Variants in CD74 observed in about 807,000 individuals in gnomAD.
CD74 encodes the protein CD74 molecule, also known as HLA class II histocompatibility antigen gamma chain.
In CD74, 20 loss-of-function variants were observed where a neutral mutation model predicts 37.1. That is an observed-to-expected ratio of 0.54 (90% CI 0.38 to 0.78). CD74 has a LOEUF of 0.78. CD74 is among the 30% of genes least tolerant of loss of function. The pLI, the probability that CD74 is intolerant of heterozygous loss-of-function variation, is 0.00. For synonymous variants in CD74, 150 were observed against 152.0 expected (o/e 0.99, Z 0.10); for missense variants, 338 against 389.5 (o/e 0.87, Z 1.11).
intron 1 of CD74, among the ~76,000 whole-genome samples, chr5:150,412,185 G>A (rs545295415): frequency 2.2e-4 from 33 of 152,272 alleles, no homozygotes; most frequent in African/African-American, 7.0e-4. Flanking sequence ...GGCTGGTCTC[G>A]AACTCCTGGC....
Position 150,406,253 on chromosome 5 carries a change from A to T in CD74, c.441+6T>A, listed in dbSNP as rs771806250. 1.9e-6 allele frequency: 3 copies of T among 1,612,710 alleles called. No individual in the cohort carries two copies. Among genetic ancestry groups the T allele is most frequent in the African/African-American group, 2.7e-5 (2 of 74,876 alleles). On this transcript the variant is annotated splice_donor_region_variant and intron_variant, in intron 4 of 8. Coordinates refer to ENST00000009530, the MANE Select transcript of CD74 (RefSeq NM_001025159.3). ...CAGGACCACCCAGCTAGCTCCCTGC[A>T]CTCACCTGGAGCAGGTGCATCACAT...
intron 1 of CD74, among the ~76,000 whole-genome samples, chr5:150,408,149 G>A (rs1770101692): frequency 6.6e-6 from 1 of 152,084 alleles, no homozygotes; most frequent in South Asian, 2.1e-4. Flanking sequence ...AAGGGGAAGA[G>A]GGTTTTCACC....
At position 150,402,532 on chromosome 5, in the gene CD74, G is replaced by A. The variant is rs2151167073; in HGVS notation, c.880+31C>T. ...TGGCCCTGCTGGGGATGAGCTGCTGGTGACCAGATGCCCCTCTGCAAGGCC... is the reference window on the plus strand; with the variant it reads ...TGGCCCTGCTGGGGATGAGCTGCTGATGACCAGATGCCCCTCTGCAAGGCC... On this transcript the variant is annotated intron_variant, in intron 8 of 8. Coordinates refer to ENST00000009530, the MANE Select transcript of CD74 (RefSeq NM_001025159.3). The surrounding 1 kb of genome is among the most constrained non-coding windows in gnomAD (Gnocchi z 4.2). 1 of 1,599,056 alleles carries A rather than the reference G, an allele frequency of 6.3e-7. No individual in the cohort carries two copies. Among genetic ancestry groups the A allele is most frequent in the Non-Finnish European group, 8.6e-7 (1 of 1,166,234 alleles).
At chr5:150,405,759 C>G (rs759815563) in intron 4 of CD74, 7 of 156,028 alleles carry the variant, frequency 4.5e-5, no homozygotes, top group Non-Finnish European at 8.5e-5. Flanking sequence ...GCCTCAGTTT[C>G]TTTTTTTATT....
At chr5:150,404,831 T>G in intron 5 of CD74, 64 bp from the exon 6 acceptor site, 2 of 1,186,358 alleles carry the variant, frequency 1.7e-6, no homozygotes, top group East Asian at 5.1e-5. Context: ...ACTGCCTGGC[T>G]TTGCCCCTGG....
At chr5:150,409,900 G>A (rs1429016978) in intron 1 of CD74, among the ~76,000 whole-genome samples, 1 of 152,074 alleles carries the variant, frequency 6.6e-6, no homozygotes, top group Non-Finnish European at 1.5e-5. Flanking sequence ...CCAGCAACCA[G>A]CAAGGATGGT....
chr5:150,405,287 A>G (rs1183119805), intron 4 of CD74, 107 bp from the exon 5 acceptor site: 3 of 1,463,598 alleles, frequency 2.0e-6, no homozygotes, highest in Non-Finnish European at 2.7e-6. Flanking sequence ...GGAATGGACC[A>G]GAGCTACACC....
At chr5:150,411,160 A>C (rs1007781997) in intron 1 of CD74, among the ~76,000 whole-genome samples, 1 of 152,210 alleles carries the variant, frequency 6.6e-6, no homozygotes. Context: ...TAAGAATTAA[A>C]ATTGAGTTTA....
chr5:150,406,966 G>A lies in CD74; in HGVS notation c.299-6C>T. ...CTTGCTCACAGGCTTGGGAGCTGTG[G>A]GGACAGGAACGAGGGTAAGTGTGGC... On this transcript the variant is annotated splice_region_variant and splice_polypyrimidine_tract_variant and intron_variant, in intron 2 of 8. Transcript: ENST00000009530. The A allele has an allele frequency of 1.3e-6, 2 of 1,573,324 alleles. No homozygotes were observed. The highest frequency in any genetic ancestry group is 1.7e-6 in the Non-Finnish European group (2 of 1,166,192).
chr5:150,401,715 C>A lies in CD74; in HGVS notation c.*525G>T. On this transcript the variant is annotated 3_prime_UTR_variant, in exon 9 of 9. Coordinates refer to ENST00000009530, the MANE Select transcript of CD74 (RefSeq NM_001025159.3). ...AACAAGCTTGGCTGAGCAGAGGGAA[C>A]TAGGGGTCGGCAGAAAGGATTATGG... 1.7e-6 allele frequency: 1 copy of A among 576,084 alleles called. No homozygotes were observed. Among genetic ancestry groups the A allele is most frequent in the Non-Finnish European group, 3.1e-6 (1 of 323,138 alleles). 35.7% of individuals were successfully genotyped at this position (576,084 alleles called of 1,614,324 possible). A position where few individuals can be genotyped will look rare whatever the true frequency, so the allele number is the denominator to read the frequency against.
chr5:150,403,512 C>T lies in CD74; in HGVS notation c.626-200G>A, dbSNP rs1769767089. ...TGAGATCAAAAAGGAAGTGAATGGC[C>T]ATGTGTCCAATTCACCTCAGAAGTT... On this transcript the variant is annotated intron_variant, in intron 6 of 8. Coordinates refer to ENST00000009530, the MANE Select transcript of CD74 (RefSeq NM_001025159.3). This position sits in a 1 kb window ranked among gnomAD's most constrained non-coding sequence, Gnocchi z 4.5. 6.6e-6 allele frequency among the ~76,000 whole-genome samples: 1 copy of T among 152,206 alleles called. No homozygotes were observed. Among genetic ancestry groups the T allele is most frequent in the Non-Finnish European group, 1.5e-5 (1 of 68,038 alleles).
chr5:150,404,394 C>T (rs1769821029), intron 6 of CD74: 3 of 417,464 alleles, frequency 7.2e-6, no homozygotes, highest in East Asian at 3.6e-5. Flanking sequence ...GCACCCTGTG[C>T]TGTACCATCC....
rs1770041758 is a variant in CD74, at chr5:150,407,408, AC to A, written c.126-85del. On this transcript the variant is annotated intron_variant, in intron 1 of 8. Transcript: ENST00000009530. The surrounding 1 kb of genome is among the most constrained non-coding windows in gnomAD (Gnocchi z 4.4). The stretch of plus-strand genomic sequence containing the variant: ...GCTGGCTAGGAATGGGGAAATGTAT[AC>A]CCCCATCTCCATTAGACCCCTAAGC... 3 of 1,116,494 alleles carry A rather than the reference AC, an allele frequency of 2.7e-6. No homozygotes were observed. Among genetic ancestry groups the A allele is most frequent in the Middle Eastern group, 3.0e-4 (1 of 3,380 alleles). The allele number at this position is 1,116,494 out of a possible 1,614,324, so 69.2% of individuals were successfully genotyped here. A position where few individuals can be genotyped will look rare whatever the true frequency, so the allele number is the denominator to read the frequency against.
chr5:150,403,186 C>A lies in CD74; in HGVS notation c.752G>T (p.Trp251Leu), dbSNP rs2151169843. ...CTCCGTGCCGTTGGGGAAGACACAC[C>A]AGCAGTAGCCGATGCTCCCATAGCA... The part of the protein sequence containing the change: ...LQCYGSIGYC[W>L]CVFPNGTEVP... The change falls in exon 7 of 9, where the codon TGG (tryptophan) becomes TTG (leucine). Residue 251 changes from tryptophan to leucine, a missense_variant. Coordinates refer to ENST00000009530, the MANE Select transcript of CD74 (RefSeq NM_001025159.3). This position sits in a 1 kb window ranked among gnomAD's most constrained non-coding sequence, Gnocchi z 4.5. 1.2e-6 allele frequency: 2 copies of A among 1,614,016 alleles called. No homozygotes were observed. The highest frequency in any genetic ancestry group is 8.5e-7 in the Non-Finnish European group (1 of 1,179,900).
At chr5:150,410,160 G>C (rs1390839629) in intron 1 of CD74, among the ~76,000 whole-genome samples, 1 of 152,188 alleles carries the variant, frequency 6.6e-6, no homozygotes, top group Admixed American at 6.5e-5. Context: ...GGCCTAGCCT[G>C]TGTTCAGGCT....
rs551913425 is a variant in CD74 at position 150,402,744 on chromosome 5, G to A, written c.818-119C>T. 7.2e-6 allele frequency: 6 copies of A among 827,958 alleles called. No homozygotes were observed. The allele number at this position is 827,958 out of a possible 1,614,324, so 51.3% of individuals were successfully genotyped here. A position where few individuals can be genotyped will look rare whatever the true frequency, so the allele number is the denominator to read the frequency against. On this transcript the variant is annotated intron_variant, in intron 7 of 8. Coordinates refer to ENST00000009530, the MANE Select transcript of CD74 (RefSeq NM_001025159.3). The surrounding 1 kb of genome is among the most constrained non-coding windows in gnomAD (Gnocchi z 4.2). ...TAGTGCCTGGGAAAGCAGGTACCCA[G>A]GGAAGGACAGCTGCAAGCAGCAACA... is the stretch of plus-strand genomic sequence containing the variant.
intron 3 of CD74, 146 bp downstream of exon 3, chr5:150,406,735 G>A (rs1026365695): frequency 3.3e-6 from 2 of 603,916 alleles, no homozygotes; most frequent in East Asian, 2.8e-5. Flanking sequence ...TGGGGAGCCC[G>A]ATTCTTCCTG....
At position 150,403,388 on chromosome 5, in the gene CD74, A is replaced by G. The variant is rs2151170678; in HGVS notation, c.626-76T>C. On this transcript the variant is annotated intron_variant, in intron 6 of 8. Transcript: ENST00000009530. The surrounding 1 kb of genome is among the most constrained non-coding windows in gnomAD (Gnocchi z 4.5). ...AGGGTCTGAGCAGAGCTAAAGACCC[A>G]CACACCACTGCTGTGGGCTTAATGC... is the stretch of plus-strand genomic sequence containing the variant. 1 of 1,283,818 alleles carries G rather than the reference A, an allele frequency of 7.8e-7. No individual in the cohort carries two copies. The highest frequency in any genetic ancestry group is 1.1e-6 in the Non-Finnish European group (1 of 884,066). 79.5% of individuals were successfully genotyped at this position (1,283,818 alleles called of 1,614,324 possible).
At chr5:150,406,774 C>G in intron 3 of CD74, 107 bp downstream of exon 3, 1 of 728,522 alleles carries the variant, frequency 1.4e-6, no homozygotes, top group Non-Finnish European at 2.2e-6. Context: ...CCGCAGCAGT[C>G]AGGACCCCTC....
Sources: allele counts gnomAD v4.1 joint callset (sites outside exome capture counted in the v4.1 genomes callset), GRCh38; gene constraint gnomAD v4.1.1; non-coding constraint Gnocchi (gnomAD v3.1); transcripts MANE v1.5; gene names NCBI Gene and HGNC (gene_info 2026-07-23, HGNC 2026-07-21).